NAALADL2: variants seen among roughly 807,000 people sequenced by gnomAD.
The protein encoded by NAALADL2 is inactive N-acetylated-alpha-linked acidic dipeptidase-like protein 2.
NAALADL2 carries 76 observed loss-of-function variants against 87.2 expected under a neutral mutation model. The observed-to-expected ratio is 0.87, with a 90% CI of 0.72 to 1.05. The LOEUF (loss-of-function observed/expected upper bound fraction) is 1.05. Ranked by LOEUF, NAALADL2 falls within the 50% of genes least tolerant of loss-of-function variation. NAALADL2 has a pLI of 0.00. For missense variants in NAALADL2, 1,089 were observed against 945.8 expected, an observed-to-expected ratio of 1.15 and a Z score of -1.99; for synonymous variants, 354 against 331.0, an observed-to-expected ratio of 1.07 and a Z score of -0.75.
chr3:174,979,811 T>A (rs1469064079), intron 1 of NAALADL2, among the ~76,000 whole-genome samples: 4 of 152,180 alleles, frequency 2.6e-5, no homozygotes, highest in Non-Finnish European at 5.9e-5. Flanking sequence ...AATAGAAATA[T>A]TTCTGGCATT....
intron 13 of NAALADL2, among the ~76,000 whole-genome samples, chr3:175,794,181 T>C (rs1753169756): frequency 6.6e-6 from 1 of 152,154 alleles, no homozygotes; most frequent in South Asian, 2.1e-4. Context: ...GCCTGTAGGG[T>C]ATTCAAATAA....
In NAALADL2 at chr3:174,930,614, C is replaced by CTTTT. The variant is rs760690405; in HGVS notation, c.43+71186_43+71189dup. 4.1e-3 allele frequency among the ~76,000 whole-genome samples: 271 copies of CTTTT among 66,814 alleles called. 41 individuals carry two copies. Among genetic ancestry groups the CTTTT allele is most frequent in the Non-Finnish European group, 6.0e-3 (223 of 37,332 alleles). The allele number at this position is 66,814 out of a possible 152,430, so 43.8% of individuals were successfully genotyped here. A position where few individuals can be genotyped will look rare whatever the true frequency, so the allele number is the denominator to read the frequency against. On this transcript the variant is annotated intron_variant, in intron 1 of 13. Transcript: ENST00000454872. ...TTGCAAGTCCTTTAAATAAGATGAA[C>CTTTT]TTTTTTTTTTTTTTTTTTTTTTTTT... is the stretch of plus-strand genomic sequence containing the variant.
chr3:175,513,308 A>G (rs1367016700), intron 9 of NAALADL2, among the ~76,000 whole-genome samples: 1 of 152,228 alleles, frequency 6.6e-6, no homozygotes, highest in Non-Finnish European at 1.5e-5. Flanking sequence ...TAAAGTTTAA[A>G]TTTAAATTAA....
intron 2 of NAALADL2, among the ~76,000 whole-genome samples, chr3:175,138,925 T>TATATATATATATATATA (rs1729571918): frequency 2.2e-5 from 3 of 136,424 alleles, no homozygotes; most frequent in African/African-American, 8.2e-5. Flanking sequence ...TATATATATA[T>TATATATATATATATATA]GATAGTGAAG....
chr3:175,380,275 T>C (rs1767640339), intron 5 of NAALADL2, among the ~76,000 whole-genome samples: 1 of 152,172 alleles, frequency 6.6e-6, no homozygotes. Flanking sequence ...ACCATCATTC[T>C]TACCATCTAC....
intron 1 of NAALADL2, among the ~76,000 whole-genome samples, chr3:174,470,062 C>T (rs1011170158): frequency 2.0e-5 from 3 of 146,904 alleles, no homozygotes; most frequent in Non-Finnish European, 3.0e-5. Flanking sequence ...CTAAATTGTA[C>T]TCAGTTAGTT....
At chr3:175,318,591 A>G (rs1355140136) in intron 4 of NAALADL2, among the ~76,000 whole-genome samples, 2 of 152,220 alleles carry the variant, frequency 1.3e-5, no homozygotes, top group African/African-American at 4.8e-5. Flanking sequence ...TGCCACTCTT[A>G]ACATTTTGCA....
chr3:175,444,973 T>A lies in NAALADL2; in HGVS notation c.1091-2256T>A, dbSNP rs555929313. Among the ~76,000 whole-genome samples the A allele has an allele frequency of 2.0e-4, 30 of 152,330 alleles. 1 individual carries two copies. The South Asian group carries it at 4.3e-3, about 22-fold the overall frequency. On this transcript the variant is annotated intron_variant, in intron 5 of 13. Transcript: ENST00000454872. ...GTGTAACATATTTTCTTATTTATAA[T>A]CTACCTCCTCCTGTAGCCTGGATAC...
chr3:175,116,074 G>A (rs1664714238), intron 2 of NAALADL2, among the ~76,000 whole-genome samples: 1 of 151,810 alleles, frequency 6.6e-6, no homozygotes, highest in African/African-American at 2.4e-5. Flanking sequence ...GTATTGATGG[G>A]ACGTGTCTCA....
intron 1 of NAALADL2, among the ~76,000 whole-genome samples, chr3:174,959,140 T>G (rs1741598030): frequency 6.6e-6 from 1 of 151,978 alleles, no homozygotes; most frequent in African/African-American, 2.4e-5. Context: ...CTTAGAGACA[T>G]TAGAATGCTG....
rs116065621 is a variant in NAALADL2, at chr3:175,405,754, T to C, written c.1091-41475T>C. Among the ~76,000 whole-genome samples the C allele has an allele frequency of 6.5e-3, 996 of 152,274 alleles. 14 individuals carry two copies. The highest frequency in any genetic ancestry group is 0.023 in the African/African-American group (965 of 41,560). On this transcript the variant is annotated intron_variant, in intron 5 of 13. Transcript: ENST00000454872. Reference sequence around the variant, plus strand: ...CCTGGCTGTCAGGCCTTGTGTTACATTGTTTGTGTGCATTGTCTCATTTAA... The same window carrying C: ...CCTGGCTGTCAGGCCTTGTGTTACACTGTTTGTGTGCATTGTCTCATTTAA...
intron 4 of NAALADL2, among the ~76,000 whole-genome samples, chr3:175,261,700 T>A (rs1316768248): frequency 6.6e-6 from 1 of 152,074 alleles, no homozygotes; most frequent in Non-Finnish European, 1.5e-5. Flanking sequence ...ATGACAATTT[T>A]AAAGGGCCAG....
intron 5 of NAALADL2, among the ~76,000 whole-genome samples, chr3:175,332,539 A>G (rs1346664132): frequency 6.6e-6 from 1 of 152,156 alleles, no homozygotes. Context: ...GGGCTCTAGC[A>G]GTCCTCCTGC....
intron 3 of NAALADL2, among the ~76,000 whole-genome samples, chr3:175,254,556 T>G (rs1749603316): frequency 6.6e-6 from 1 of 152,178 alleles, no homozygotes; most frequent in Non-Finnish European, 1.5e-5. Context: ...AGTAAGGTTT[T>G]CCTTGACCTC....
At chr3:174,638,561 G>A (rs1722873410) in intron 2 of NAALADL2, among the ~76,000 whole-genome samples, 1 of 151,956 alleles carries the variant, frequency 6.6e-6, no homozygotes, top group Non-Finnish European at 1.5e-5. Flanking sequence ...CTATGGCATA[G>A]GAGATGTTGA....
chr3:175,612,190 G>A (rs907210024), intron 10 of NAALADL2, among the ~76,000 whole-genome samples: 8 of 152,104 alleles, frequency 5.3e-5, no homozygotes, highest in Non-Finnish European at 1.0e-4. Flanking sequence ...TTCATATGTT[G>A]CCAAATGAAA....
intron 1 of NAALADL2, among the ~76,000 whole-genome samples, chr3:174,921,102 C>T (rs1332683916): frequency 6.6e-6 from 1 of 152,040 alleles, no homozygotes; most frequent in Admixed American, 6.6e-5. Flanking sequence ...GTGAGAATTA[C>T]CAAAATGTGA....
intron 2 of NAALADL2, among the ~76,000 whole-genome samples, chr3:174,684,182 T>C (rs1314863220): frequency 6.6e-6 from 1 of 152,060 alleles, no homozygotes; most frequent in Non-Finnish European, 1.5e-5. Context: ...TTTAAAATAG[T>C]ATTACTTATA....
chr3:175,518,871 G>A (rs1022772295), intron 9 of NAALADL2, among the ~76,000 whole-genome samples: 1 of 152,138 alleles, frequency 6.6e-6, no homozygotes, highest in Non-Finnish European at 1.5e-5. Context: ...CAGATTAATA[G>A]GAAAAAGGTC....
Sources: gnomAD v4.1 joint callset for allele counts (sites outside exome capture counted in the v4.1 genomes callset) on GRCh38, gnomAD v4.1.1 for gene constraint, MANE v1.5 for transcripts, NCBI Gene and HGNC (gene_info 2026-07-23, HGNC 2026-07-21) for gene names.